The following TBC1D19 variants were observed in gnomAD, a reference collection of about 807,000 sequenced individuals.
TBC1D19 encodes TBC1 domain family, member 19.
TBC1D19 carries 60 observed loss-of-function variants against 89.0 expected under a neutral mutation model. That is an observed-to-expected ratio of 0.67 (90% CI 0.55 to 0.84). The LOEUF is 0.84. TBC1D19 is among the 40% of genes least tolerant of loss of function. TBC1D19 has a pLI of 0.00. For synonymous variants in TBC1D19, 189 were observed against 199.7 expected (o/e 0.95, Z 0.45); for missense variants, 500 against 610.8 (o/e 0.82, Z 1.91).
chr4:26,624,871 G>A (rs1035213752), intron 4 of TBC1D19, among the ~76,000 whole-genome samples: 1 of 151,970 alleles, frequency 6.6e-6, no homozygotes, highest in African/African-American at 2.4e-5. Flanking sequence ...TGTGACTAGC[G>A]GGAAGTGACT....
chr4:26,585,542 T>C (rs1485835349), intron 1 of TBC1D19, among the ~76,000 whole-genome samples: 4 of 152,126 alleles, frequency 2.6e-5, no homozygotes, highest in African/African-American at 9.7e-5. Flanking sequence ...GATGTAAGTC[T>C]TTATCAGATG....
chr4:26,729,125 C>A (rs980825612), intron 15 of TBC1D19, among the ~76,000 whole-genome samples: 4 of 152,218 alleles, frequency 2.6e-5, no homozygotes, highest in Non-Finnish European at 4.4e-5. Context: ...TTGTTAACAT[C>A]TAATTTTAGA....
the TBC1D19 span, among the ~76,000 whole-genome samples, chr4:26,784,977 C>T: frequency 6.6e-5 from 10 of 152,300 alleles, no homozygotes; most frequent in African/African-American, 1.4e-4. Flanking sequence ...TGGTGCCACA[C>T]GCCATGCTAA....
At chr4:26,605,010 ATG>A (rs1457471756) in intron 1 of TBC1D19, among the ~76,000 whole-genome samples, 1 of 152,036 alleles carries the variant, frequency 6.6e-6, no homozygotes, top group Non-Finnish European at 1.5e-5. Context: ...TATGAACTCT[ATG>A]TTTAATATTT....
At chr4:26,617,930 G>A (rs1741798713) in intron 3 of TBC1D19, among the ~76,000 whole-genome samples, 1 of 152,180 alleles carries the variant, frequency 6.6e-6, no homozygotes, top group African/African-American at 2.4e-5. Context: ...TCAAACAGTA[G>A]TGGGTCTAAA....
chr4:26,812,943 G>A, the TBC1D19 span, among the ~76,000 whole-genome samples: 4 of 152,138 alleles, frequency 2.6e-5, no homozygotes, highest in Non-Finnish European at 4.4e-5. This position sits in a 1 kb window ranked among gnomAD's most constrained non-coding sequence, Gnocchi z 4.2. Context: ...CAGGCCAGGT[G>A]TGTTGGCTCA....
chr4:26,718,106 C>T (rs1484459992), intron 14 of TBC1D19, 89 bp downstream of exon 14: 2 of 941,990 alleles, frequency 2.1e-6, no homozygotes, highest in Admixed American at 2.3e-5. Flanking sequence ...GTGGTGTTGC[C>T]AAATTATTAT....
the TBC1D19 span, among the ~76,000 whole-genome samples, chr4:26,849,701 G>C: frequency 2.6e-5 from 4 of 152,134 alleles, no homozygotes; most frequent in African/African-American, 9.7e-5. Context: ...CTTTGCAAAT[G>C]AAAGAGCTTT....
the TBC1D19 span, among the ~76,000 whole-genome samples, chr4:26,844,887 C>A: frequency 6.6e-6 from 1 of 152,158 alleles, no homozygotes; most frequent in Non-Finnish European, 1.5e-5. Context: ...GTGTTATAAA[C>A]CACAGTTCAG....
Position 26,754,855 on chromosome 4 carries a change from T to G in TBC1D19, c.1507-18T>G. ...ACTTCGCTTTGCTATTAATAATTCT[T>G]TTTATTTTTTGTTTCAGGCAGTTCT... is the stretch of plus-strand genomic sequence containing the variant. On this transcript the variant is annotated intron_variant, in intron 20 of 20. Transcript: ENST00000264866. 1 of 1,574,890 alleles carries G rather than the reference T, an allele frequency of 6.3e-7. No homozygotes were observed. The highest frequency in any genetic ancestry group is 8.6e-7 in the Non-Finnish European group (1 of 1,165,964).
In TBC1D19 at chr4:26,638,968, G is replaced by A. The variant is rs551055730; in HGVS notation, c.433+134G>A. ...CTTCTCATTAATTTTCTATCATCTG[G>A]AAAACCAGAATTAGACTGACCTACT... On this transcript the variant is annotated intron_variant, in intron 6 of 20. Coordinates refer to ENST00000264866, the MANE Select transcript of TBC1D19 (RefSeq NM_018317.4). 38 of 739,024 alleles carry A rather than the reference G, an allele frequency of 5.1e-5. 1 individual carries two copies. In the South Asian group the frequency reaches 6.9e-4, roughly 13 times the overall value. 45.8% of individuals were successfully genotyped at this position (739,024 alleles called of 1,614,324 possible).
intron 18 of TBC1D19, among the ~76,000 whole-genome samples, chr4:26,743,209 G>A (rs1718471225): frequency 6.6e-6 from 1 of 152,080 alleles, no homozygotes; most frequent in Admixed American, 6.5e-5. Flanking sequence ...TTTCCAAATG[G>A]TTTATCAGTG....
chr4:26,661,102 C>G (rs1367634534), intron 8 of TBC1D19, among the ~76,000 whole-genome samples: 2 of 152,016 alleles, frequency 1.3e-5, no homozygotes, highest in Non-Finnish European at 2.9e-5. Context: ...AGAAGTTAGT[C>G]CCCCAGATTC....
the TBC1D19 span, chr4:26,858,835 T>G: frequency 6.6e-6 from 1 of 152,100 alleles, no homozygotes; most frequent in African/African-American, 2.4e-5. Flanking sequence ...CACTTAAAAC[T>G]CCAGTCCAAT....
At chr4:26,670,769 A>G (rs757964355) in intron 9 of TBC1D19, among the ~76,000 whole-genome samples, 1 of 151,706 alleles carries the variant, frequency 6.6e-6, no homozygotes, top group African/African-American at 2.4e-5. Context: ...GCCTTCTGAC[A>G]TCATAGATTA....
the TBC1D19 span, among the ~76,000 whole-genome samples, chr4:26,852,915 G>A: frequency 9.9e-5 from 15 of 152,270 alleles, no homozygotes; most frequent in East Asian, 2.3e-3. Context: ...CACTGCACCC[G>A]GCCGGATTCT....
intron 19 of TBC1D19, among the ~76,000 whole-genome samples, chr4:26,752,623 T>C (rs550582157): frequency 6.6e-6 from 1 of 152,290 alleles, no homozygotes; most frequent in South Asian, 2.1e-4. Flanking sequence ...TCACTGGTGA[T>C]GGAGAGAAAA....
At chr4:26,695,209 T>A (rs945199034) in intron 13 of TBC1D19, among the ~76,000 whole-genome samples, 6 of 152,076 alleles carry the variant, frequency 3.9e-5, no homozygotes, top group African/African-American at 1.2e-4. Context: ...ACGTGACAAA[T>A]GCACAAGCTT....
At chr4:26,804,989 C>A in the TBC1D19 span, among the ~76,000 whole-genome samples, 1 of 152,112 alleles carries the variant, frequency 6.6e-6, no homozygotes, top group Non-Finnish European at 1.5e-5. Context: ...GGAAAGGAAG[C>A]AGCGTGAAGA....
Sources: gnomAD v4.1 joint callset for allele counts (sites outside exome capture counted in the v4.1 genomes callset) on GRCh38, gnomAD v4.1.1 for gene constraint, Gnocchi (gnomAD v3.1) non-coding constraint, MANE v1.5 for transcripts, NCBI Gene and HGNC (gene_info 2026-07-23, HGNC 2026-07-21) for gene names.